The following RTL4 variants were observed in gnomAD, a reference collection of about 807,000 sequenced individuals.
RTL4 encodes the protein retrotransposon Gag like 4, also known as retrotransposon Gag-like protein 4.
A neutral mutation model predicts 5.3 loss-of-function variants in RTL4; 4 were observed. The ratio of observed to expected loss-of-function variants is 0.75; its 90% CI spans 0.37 to 1.72. The LOEUF (loss-of-function observed/expected upper bound fraction) is 1.72, where lower values mean the gene tolerates loss of function less well. Among genes scored for constraint, RTL4 ranks in the 40% most tolerant of loss-of-function variants. RTL4 has a pLI of 0.04. For synonymous variants in RTL4, 98 were observed against 87.3 expected, an observed-to-expected ratio of 1.12 and a Z score of -0.68; for missense variants, 260 against 227.1, an observed-to-expected ratio of 1.14 and a Z score of -0.93.
chrX:112,261,029 C>T, the RTL4 span, among the ~76,000 whole-genome samples: 3 of 111,479 alleles, frequency 2.7e-5, no homozygotes, highest in East Asian at 2.8e-4. Flanking sequence ...GATTGAACCT[C>T]GACTTAAATT....
At chrX:112,193,075 C>CTCAT in the RTL4 span, among the ~76,000 whole-genome samples, 1 of 111,754 alleles carries the variant, frequency 8.9e-6, no homozygotes, top group Non-Finnish European at 1.9e-5. Flanking sequence ...ATTATGTCAT[C>CTCAT]TCATTGCCTT....
the RTL4 span, among the ~76,000 whole-genome samples, chrX:112,410,251 A>C: frequency 8.9e-6 from 1 of 111,990 alleles, no homozygotes. Context: ...ATATTATTAA[A>C]CTAGAGAGAG....
the RTL4 span, among the ~76,000 whole-genome samples, chrX:112,173,137 T>G: frequency 1.8e-5 from 2 of 110,094 alleles, no homozygotes; most frequent in Non-Finnish European, 3.8e-5. Context: ...CAGCACATTC[T>G]GCACATGTAT....
the RTL4 span, among the ~76,000 whole-genome samples, chrX:112,265,647 C>A: frequency 4.5e-5 from 5 of 111,545 alleles, no homozygotes; most frequent in Non-Finnish European, 9.4e-5. Flanking sequence ...AGATAGGTAG[C>A]TTGTCCTCTG....
the RTL4 span, among the ~76,000 whole-genome samples, chrX:112,307,924 G>A: frequency 9.0e-6 from 1 of 111,482 alleles, no homozygotes; most frequent in East Asian, 2.8e-4. Context: ...CTGTCCTTAT[G>A]AGGCAAAGTA....
At chrX:112,386,987 TC>T in the RTL4 span, among the ~76,000 whole-genome samples, 1 of 110,552 alleles carries the variant, frequency 9.0e-6, no homozygotes, top group Non-Finnish European at 1.9e-5. Context: ...GTATAAGTGT[TC>T]CCTTTTCACC....
the RTL4 span, among the ~76,000 whole-genome samples, chrX:112,438,054 T>C: frequency 9.0e-6 from 1 of 111,587 alleles, no homozygotes; most frequent in African/African-American, 3.3e-5. Flanking sequence ...ACTCATCTTT[T>C]ACTGTGTGTG....
At chrX:112,254,552 C>G in the RTL4 span, among the ~76,000 whole-genome samples, 1 of 110,819 alleles carries the variant, frequency 9.0e-6, no homozygotes, top group African/African-American at 3.3e-5. Context: ...TGGTCTTGAT[C>G]TCTTGACCTC....
chrX:112,185,402 T>TATATATATATATATATAC, the RTL4 span, among the ~76,000 whole-genome samples: 1 of 97,889 alleles, frequency 1.0e-5, no homozygotes, highest in African/African-American at 4.0e-5. Context: ...TATATATATA[T>TATATATATATATATATAC]ACACACACAC....
At chrX:112,411,927 G>T in the RTL4 span, among the ~76,000 whole-genome samples, 1 of 111,005 alleles carries the variant, frequency 9.0e-6, no homozygotes, top group Non-Finnish European at 1.9e-5. Flanking sequence ...TTCATTTGTA[G>T]ATGATATGAT....
the RTL4 span, among the ~76,000 whole-genome samples, chrX:112,353,247 C>A: frequency 2.7e-5 from 3 of 111,367 alleles, no homozygotes; most frequent in Non-Finnish European, 5.7e-5. Flanking sequence ...ATTGTAAACT[C>A]GTTCAACCAT....
chrX:112,236,490 T>C, the RTL4 span, among the ~76,000 whole-genome samples: 1 of 83,166 alleles, frequency 1.2e-5, no homozygotes. Context: ...TAGATCTATA[T>C]CTATATATAG....
the RTL4 span, among the ~76,000 whole-genome samples, chrX:112,337,563 G>A: frequency 3.6e-5 from 4 of 111,562 alleles, no homozygotes; most frequent in African/African-American, 6.5e-5. Flanking sequence ...GACTACAGGC[G>A]TGAGCCACCG....
At chrX:112,400,780 A>G in the RTL4 span, among the ~76,000 whole-genome samples, 1 of 111,993 alleles carries the variant, frequency 8.9e-6, no homozygotes, top group Non-Finnish European at 1.9e-5. Context: ...TCCATTACTA[A>G]GGTAAGTACT....
the RTL4 span, among the ~76,000 whole-genome samples, chrX:112,350,631 T>A: frequency 8.9e-6 from 1 of 111,869 alleles, no homozygotes. Flanking sequence ...CCATTTCTTC[T>A]AGATTTTCTA....
the RTL4 span, among the ~76,000 whole-genome samples, chrX:112,285,891 C>T: frequency 9.0e-6 from 1 of 111,629 alleles, no homozygotes; most frequent in East Asian, 2.8e-4. Context: ...TGCTCCTACC[C>T]GCTAGGTACC....
chrX:112,303,157 C>T, the RTL4 span, among the ~76,000 whole-genome samples: 1 of 111,951 alleles, frequency 8.9e-6, no homozygotes, highest in Non-Finnish European at 1.9e-5. Flanking sequence ...ATCTCTAACA[C>T]ATTATTTCAT....
the RTL4 span, among the ~76,000 whole-genome samples, chrX:112,403,322 G>T: frequency 8.9e-6 from 1 of 112,114 alleles, no homozygotes; most frequent in Non-Finnish European, 1.9e-5. Flanking sequence ...TTCACAGCCA[G>T]CTACAAGGAG....
chrX:112,216,647 T>C, the RTL4 span, among the ~76,000 whole-genome samples: 1 of 111,959 alleles, frequency 8.9e-6, no homozygotes, highest in Non-Finnish European at 1.9e-5. Flanking sequence ...TAAAAAGCTT[T>C]CCTACAATGT....
Sources: gnomAD v4.1 joint callset for allele counts (sites outside exome capture counted in the v4.1 genomes callset) on GRCh38, gnomAD v4.1.1 for gene constraint, MANE v1.5 for transcripts, NCBI Gene and HGNC (gene_info 2026-07-23, HGNC 2026-07-21) for gene names.